Variants in SETBP1 observed in about 807,000 individuals in gnomAD.
The protein encoded by SETBP1 is SET-binding protein.
Under a neutral mutation model 101.0 loss-of-function variants are expected in SETBP1, and 9 were observed. The observed-to-expected ratio is 0.09, with a 90% confidence interval of 0.05 to 0.16. The LOEUF is 0.16. Among genes scored for constraint, SETBP1 ranks in the 10% least tolerant of loss-of-function variants. The pLI, the probability that SETBP1 is intolerant of heterozygous loss-of-function variation, is 1.00. For synonymous variants in SETBP1, 818 were observed against 788.5 expected, an observed-to-expected ratio of 1.04 and a Z score of -0.63; for missense variants, 1,858 against 2,033.8, an observed-to-expected ratio of 0.91 and a Z score of 1.66.
rs1188369147 is a variant in SETBP1, at chr18:44,869,242, A to G, written c.499A>G (p.Ser167Gly). 1 of 1,613,992 alleles carries G rather than the reference A, an allele frequency of 6.2e-7. No homozygotes were observed. Among genetic ancestry groups the G allele is most frequent in the Admixed American group, 1.7e-5 (1 of 60,022 alleles). ...SHSKKKLLTA[S>G]DLAASDLKGF... is the part of the protein sequence containing the mutation. ...TATTCTTTTGCAGCTCCTCACAGCC[A>G]GTGACCTTGCAGCCAGTGACCTCAA... is the stretch of plus-strand genomic sequence containing the variant. Residue 167 changes from serine (S) to glycine (G), a missense_variant, in exon 3 of 6, where the codon AGT (serine) becomes GGT (glycine). Physicochemically the swap from Ser to Gly is moderately conservative, Grantham distance 56 (BLOSUM62 0). Transcript: ENST00000649279.
intron 3 of SETBP1, among the ~76,000 whole-genome samples, chr18:44,908,617 G>A (rs951005381): frequency 2.6e-5 from 4 of 152,032 alleles, no homozygotes; most frequent in African/African-American, 9.7e-5. Context: ...TTTAAAATTG[G>A]GAAGTGTGAG....
chr18:45,043,296 GT>G (rs1421417974), intron 5 of SETBP1, among the ~76,000 whole-genome samples: 7 of 151,964 alleles, frequency 4.6e-5, no homozygotes, highest in Non-Finnish European at 8.8e-5. Flanking sequence ...AATCTGTATG[GT>G]TTTGCACTTG....
chr18:44,759,063 A>C (rs760472776), intron 2 of SETBP1, among the ~76,000 whole-genome samples: 2 of 152,200 alleles, frequency 1.3e-5, no homozygotes, highest in Non-Finnish European at 2.9e-5. Flanking sequence ...GGCTCTTCCA[A>C]ATTGGAGAAC....
intron 2 of SETBP1, among the ~76,000 whole-genome samples, chr18:44,721,496 G>A (rs1361579217): frequency 6.6e-6 from 1 of 151,922 alleles, no homozygotes; most frequent in Non-Finnish European, 1.5e-5. Flanking sequence ...ATTTTGTTTT[G>A]TCTATTCTTT....
intron 3 of SETBP1, among the ~76,000 whole-genome samples, chr18:44,949,123 C>T (rs2071276794): frequency 6.6e-6 from 1 of 152,210 alleles, no homozygotes; most frequent in South Asian, 2.1e-4. Flanking sequence ...AACAGAGCAA[C>T]ATTCCTAGAG....
chr18:44,929,468 G>C (rs918077195), intron 3 of SETBP1, among the ~76,000 whole-genome samples: 31 of 152,130 alleles, frequency 2.0e-4, no homozygotes, highest in African/African-American at 5.8e-4. Flanking sequence ...CCAATTCTGT[G>C]AAGAAAGTCA....
chr18:44,938,978 G>GTGTT (rs1375965089), intron 3 of SETBP1, among the ~76,000 whole-genome samples: 1 of 151,598 alleles, frequency 6.6e-6, no homozygotes, highest in African/African-American at 2.4e-5. Flanking sequence ...GTGTGTGTGT[G>GTGTT]TGTGTCTGTG....
At chr18:44,884,995 A>T (rs1289125544) in intron 3 of SETBP1, among the ~76,000 whole-genome samples, 1 of 152,210 alleles carries the variant, frequency 6.6e-6, no homozygotes, top group Non-Finnish European at 1.5e-5. Flanking sequence ...CCCAGGAATG[A>T]TCACCAATAA....
At chr18:44,792,845 T>C (rs1032244226) in intron 2 of SETBP1, among the ~76,000 whole-genome samples, 1 of 151,922 alleles carries the variant, frequency 6.6e-6, no homozygotes, top group Non-Finnish European at 1.5e-5. Flanking sequence ...ATTCCTGGTA[T>C]AGCATAATCT....
chr18:44,951,740 A>C lies in SETBP1; in HGVS notation c.2400A>C (p.Ser800=). The change falls in exon 4 of 6, where the codon TCA becomes TCC. Residue 800 remains serine, a synonymous_variant. Transcript: ENST00000649279. The surrounding 1 kb of genome is among the most constrained non-coding windows in gnomAD (Gnocchi z 7.8). The part of the protein sequence containing the change: ...LSPASTETNF[S]ELKTMPNLQP... ...CTGCCAGCACTGAAACCAATTTTTC[A>C]GAGTTGAAAACTATGCCAAATCTCC... 1 of 1,614,170 alleles carries C rather than the reference A, an allele frequency of 6.2e-7. No individual in the cohort carries two copies. The highest frequency in any genetic ancestry group is 8.5e-7 in the Non-Finnish European group (1 of 1,180,032).
intron 3 of SETBP1, among the ~76,000 whole-genome samples, chr18:44,891,251 C>T (rs372136469): frequency 4.6e-5 from 7 of 152,216 alleles, no homozygotes; most frequent in East Asian, 3.9e-4. Flanking sequence ...TCCCACAACA[C>T]GTGAGAATTC....
chr18:45,002,403 A>G (rs2072636038), intron 4 of SETBP1, among the ~76,000 whole-genome samples: 1 of 150,364 alleles, frequency 6.7e-6, no homozygotes, highest in South Asian at 2.1e-4. Flanking sequence ...TCCTGTTTTT[A>G]CAACACAGGC....
intron 3 of SETBP1, among the ~76,000 whole-genome samples, chr18:44,892,386 T>G (rs1447937862): frequency 1.3e-5 from 2 of 152,146 alleles, no homozygotes; most frequent in Non-Finnish European, 2.9e-5. Context: ...AAACAGACAC[T>G]CCAGGTGGTG....
At chr18:45,040,886 T>G (rs1006373783) in intron 5 of SETBP1, among the ~76,000 whole-genome samples, 2 of 152,210 alleles carry the variant, frequency 1.3e-5, no homozygotes, top group Admixed American at 6.5e-5. Context: ...TTTCCGGGTC[T>G]CTGGCTGTTG....
Position 44,717,040 on chromosome 18 carries a change from T to C in SETBP1, c.486+15208T>C, listed in dbSNP as rs540776675. Among the ~76,000 whole-genome samples the C allele has an allele frequency of 1.1e-4, 16 of 152,352 alleles. No individual in the cohort carries two copies. In the South Asian group the frequency reaches 3.1e-3, roughly 30 times the overall value. ...CCCCACAACCGCAATGTGATGTTAC[T>C]ATCCCCATTTTACAGATGACTCAAA... On this transcript the variant is annotated intron_variant, in intron 2 of 5. Coordinates refer to ENST00000649279, the MANE Select transcript of SETBP1 (RefSeq NM_015559.3).
chr18:44,734,081 AC>A (rs1294514461), intron 2 of SETBP1, among the ~76,000 whole-genome samples: 1 of 152,244 alleles, frequency 6.6e-6, no homozygotes, highest in East Asian at 1.9e-4. Flanking sequence ...TGAAAATCAG[AC>A]CCTGTTGAGG....
intron 3 of SETBP1, among the ~76,000 whole-genome samples, chr18:44,873,667 C>T (rs2069330667): frequency 6.6e-6 from 1 of 151,942 alleles, no homozygotes; most frequent in Non-Finnish European, 1.5e-5. Flanking sequence ...AATTGTGGAG[C>T]CTCAGAGGAG....
chr18:44,743,059 C>T (rs2070136571), intron 2 of SETBP1, among the ~76,000 whole-genome samples: 1 of 151,244 alleles, frequency 6.6e-6, no homozygotes, highest in South Asian at 2.1e-4. Context: ...TTCTCTTATT[C>T]TCCACCTTCC....
At chr18:44,894,717 G>A (rs1213563192) in intron 3 of SETBP1, among the ~76,000 whole-genome samples, 7 of 151,948 alleles carry the variant, frequency 4.6e-5, no homozygotes, top group Admixed American at 4.6e-4. Flanking sequence ...TAAAGTATGT[G>A]TAGGAATGAG....
Sources: allele counts gnomAD v4.1 joint callset (sites outside exome capture counted in the v4.1 genomes callset), GRCh38; gene constraint gnomAD v4.1.1; non-coding constraint Gnocchi (gnomAD v3.1); transcripts MANE v1.5; gene names NCBI Gene and HGNC (gene_info 2026-07-23, HGNC 2026-07-21).